COLEC12: variants seen among roughly 807,000 people sequenced by gnomAD.
COLEC12 encodes the protein collectin-12.
A neutral mutation model predicts 71.1 loss-of-function variants in COLEC12; 33 were observed. The observed-to-expected ratio is 0.46, with a 90% confidence interval of 0.35 to 0.62. COLEC12 has a LOEUF of 0.62. Ranked by LOEUF, COLEC12 falls within the 20% of genes least tolerant of loss-of-function variation. The pLI is 0.00. For synonymous variants in COLEC12, 350 were observed against 353.0 expected (o/e 0.99, Z 0.10); for missense variants, 765 against 916.1 (o/e 0.84, Z 2.13).
chr18:497,383 G>GGTGT (rs10689788), intron 1 of COLEC12, among the ~76,000 whole-genome samples: 20,112 of 146,970 alleles, frequency 0.14, 1,362 homozygotes, highest in Non-Finnish European at 0.16. Flanking sequence ...TAAAGAATGG[G>GGTGT]GTGTGTGTGT....
intron 8 of COLEC12, among the ~76,000 whole-genome samples, chr18:330,876 T>TG (rs1348646190): frequency 2.0e-5 from 3 of 149,304 alleles, no homozygotes; most frequent in African/African-American, 5.0e-5. Context: ...ATTTGTAGTT[T>TG]TTTTTTTTTT....
At position 347,282 on chromosome 18, in the gene COLEC12, C is replaced by T; in HGVS notation, c.340G>A (p.Asp114Asn). ...AGTTGCTGACGGAGATCTAGAATGTCTGATCTGAAGGTGGAGAGTTCTGAG... is the reference window on the plus strand; with the variant it reads ...AGTTGCTGACGGAGATCTAGAATGTTTGATCTGAAGGTGGAGAGTTCTGAG... ...TNSELSTFRSDILDLRQQLRE... is the reference protein window; with the variant it reads ...TNSELSTFRSNILDLRQQLRE... Residue 114 changes from aspartate (D) to asparagine (N), a missense_variant, in exon 5 of 10, where the codon GAC becomes AAC. Asp to Asn is a conservative substitution (Grantham distance 23). Transcript: ENST00000400256. 6.2e-7 allele frequency: 1 copy of T among 1,614,140 alleles called. No individual in the cohort carries two copies. Among genetic ancestry groups the T allele is most frequent in the South Asian group, 1.1e-5 (1 of 91,080 alleles).
intron 2 of COLEC12, among the ~76,000 whole-genome samples, chr18:458,229 A>T (rs1302029993): frequency 6.6e-6 from 1 of 152,212 alleles, no homozygotes; most frequent in Non-Finnish European, 1.5e-5. Flanking sequence ...GGGACCGGAA[A>T]CTCTAGCACT....
At chr18:409,406 C>T (rs917305718) in intron 2 of COLEC12, among the ~76,000 whole-genome samples, 3 of 152,170 alleles carry the variant, frequency 2.0e-5, no homozygotes, top group African/African-American at 4.8e-5. Flanking sequence ...TGGTGGTGCA[C>T]GCCTGTAATC....
At chr18:459,304 C>T (rs1173898229) in intron 2 of COLEC12, among the ~76,000 whole-genome samples, 1 of 152,214 alleles carries the variant, frequency 6.6e-6, no homozygotes, top group Non-Finnish European at 1.5e-5. Context: ...GCCAACAAAA[C>T]TTACTGTCCA....
intron 1 of COLEC12, among the ~76,000 whole-genome samples, chr18:483,171 G>A (rs1917456699): frequency 6.6e-6 from 1 of 151,898 alleles, no homozygotes; most frequent in African/African-American, 2.4e-5. Context: ...AGGTTGAGGC[G>A]GGTGGATCAC....
chr18:350,331 C>T (rs1199201289), intron 3 of COLEC12, among the ~76,000 whole-genome samples: 1 of 152,142 alleles, frequency 6.6e-6, no homozygotes, highest in African/African-American at 2.4e-5. Context: ...TTGCCTCCCA[C>T]CATGATTCTG....
Position 318,098 on chromosome 18 carries a change from T to TCCGCG in COLEC12, c.*1946_*1947insCGCGG, listed in dbSNP as rs1913592013. The TCCGCG allele has an allele frequency of 5.3e-5, 1 of 18,736 alleles. No homozygotes were observed. Among genetic ancestry groups the TCCGCG allele is most frequent in the Non-Finnish European group, 6.8e-4 (1 of 1,480 alleles). 1.2% of individuals were successfully genotyped at this position (18,736 alleles called of 1,614,324 possible). Reference sequence around the variant, plus strand: ...TTCACGCCATTCTCCTGCCTCAGCCTCCCGAGTAGCTGGGACTACAGGCGC... The same window carrying TCCGCG: ...TTCACGCCATTCTCCTGCCTCAGCCTCCGCGCCCGAGTAGCTGGGACTACAGGCGC... On this transcript the variant is annotated 3_prime_UTR_variant, in exon 10 of 10. Coordinates refer to ENST00000400256, the MANE Select transcript of COLEC12 (RefSeq NM_130386.3).
chr18:332,614 C>A (rs1235115021), intron 7 of COLEC12, among the ~76,000 whole-genome samples: 1 of 152,172 alleles, frequency 6.6e-6, no homozygotes, highest in Non-Finnish European at 1.5e-5. Flanking sequence ...CCTCCTCAGC[C>A]TTCTTCGCTC....
Position 329,686 on chromosome 18 carries a change from C to T in COLEC12, c.2063+1982G>A, listed in dbSNP as rs558199049. ...CTCTGACAGGCCTGCAGCAGATATC[C>T]ACTTGCCCTTAAGGGCAGTCTGAGG... On this transcript the variant is annotated intron_variant, in intron 8 of 9. Transcript: ENST00000400256. Among the ~76,000 whole-genome samples, 9 of 152,362 alleles carry T rather than the reference C, an allele frequency of 5.9e-5. No homozygotes were observed. In the East Asian group the frequency reaches 1.3e-3, roughly 23 times the overall value.
chr18:386,063 T>C (rs1311576000), intron 2 of COLEC12, among the ~76,000 whole-genome samples: 1 of 151,996 alleles, frequency 6.6e-6, no homozygotes, highest in African/African-American at 2.4e-5. Flanking sequence ...ATAAATCCAC[T>C]GTGGGAAAAG....
chr18:388,757 G>A (rs950692808), intron 2 of COLEC12, among the ~76,000 whole-genome samples: 1 of 152,174 alleles, frequency 6.6e-6, no homozygotes, highest in African/African-American at 2.4e-5. Context: ...TCCCAGAGCT[G>A]GCATGTCACA....
At chr18:345,034 G>A (rs1244778282) in intron 5 of COLEC12, among the ~76,000 whole-genome samples, 2 of 152,182 alleles carry the variant, frequency 1.3e-5, no homozygotes, top group African/African-American at 4.8e-5. Flanking sequence ...CCAGTGTGGG[G>A]GACATACCCC....
intron 3 of COLEC12, among the ~76,000 whole-genome samples, chr18:350,344 G>A (rs992704956): frequency 2.6e-5 from 4 of 152,092 alleles, no homozygotes; most frequent in African/African-American, 7.2e-5. Context: ...TGATTCTGAG[G>A]CCTCCCCAGC....
At chr18:369,008 T>C (rs1914934541) in intron 2 of COLEC12, among the ~76,000 whole-genome samples, 1 of 152,264 alleles carries the variant, frequency 6.6e-6, no homozygotes, top group East Asian at 1.9e-4. Context: ...CACAACTCTA[T>C]GTTCAGTGAC....
Position 347,032 on chromosome 18 carries a change from T to A in COLEC12, c.590A>T (p.Tyr197Phe). 1.9e-6 allele frequency: 3 copies of A among 1,614,210 alleles called. No individual in the cohort carries two copies. The highest frequency in any genetic ancestry group is 2.5e-6 in the Non-Finnish European group (3 of 1,180,036). ...GTTCATGATGACCACATTATGAGAA[T>A]ACATTTGGTTCTGCAGATTGCCCTG... ...VLQGNLQNQM[Y>F]SHNVVIMNLN... is the part of the protein sequence containing the mutation. Residue 197 changes from tyrosine (Y) to phenylalanine (F), a missense_variant, in exon 5 of 10, where the codon TAT (tyrosine) becomes TTT (phenylalanine). Tyr to Phe is a conservative substitution (Grantham distance 22). Transcript: ENST00000400256.
At chr18:460,377 C>G (rs1916958309) in intron 2 of COLEC12, among the ~76,000 whole-genome samples, 1 of 152,146 alleles carries the variant, frequency 6.6e-6, no homozygotes, top group South Asian at 2.1e-4. Flanking sequence ...AAGCCTCAGC[C>G]AAGGGAAGAG....
At chr18:439,946 T>C (rs1916481485) in intron 2 of COLEC12, among the ~76,000 whole-genome samples, 1 of 151,948 alleles carries the variant, frequency 6.6e-6, no homozygotes, top group African/African-American at 2.4e-5. Context: ...AATCTAAATG[T>C]CCATTGACAC....
At chr18:405,400 C>T (rs1598353219) in intron 2 of COLEC12, among the ~76,000 whole-genome samples, 1 of 152,172 alleles carries the variant, frequency 6.6e-6, no homozygotes, top group Non-Finnish European at 1.5e-5. Flanking sequence ...CAGCCCCTCC[C>T]CTTTTGAAAC....
Sources: gnomAD v4.1 joint callset for allele counts (sites outside exome capture counted in the v4.1 genomes callset) on GRCh38, gnomAD v4.1.1 for gene constraint, MANE v1.5 for transcripts, NCBI Gene and HGNC (gene_info 2026-07-23, HGNC 2026-07-21) for gene names.